The following PCDH19 variants were observed in gnomAD, a reference collection of about 807,000 sequenced individuals.
PCDH19 encodes protocadherin-19.
A neutral mutation model predicts 46.2 loss-of-function variants in PCDH19; 6 were observed. The ratio of observed to expected loss-of-function variants is 0.13; its 90% confidence interval spans 0.07 to 0.26. The LOEUF (loss-of-function observed/expected upper bound fraction) is 0.26. Ranked by LOEUF, PCDH19 falls within the 10% of genes least tolerant of loss-of-function variation. PCDH19 has a pLI of 1.00. For missense variants in PCDH19, 740 were observed against 972.3 expected, an observed-to-expected ratio of 0.76 and a Z score of 3.18; for synonymous variants, 481 against 415.7, an observed-to-expected ratio of 1.16 and a Z score of -1.91.
Position 100,409,735 on chromosome X carries a change from C to CGCCGCCGCA in PCDH19, c.-1139_-1138insTGCGGCGGC, listed in dbSNP as rs754057449. The CGCCGCCGCA allele has an allele frequency of 1.0e-3, 266 of 255,188 alleles. No homozygotes were observed. Among genetic ancestry groups the CGCCGCCGCA allele is most frequent in the Non-Finnish European group, 1.7e-3 (239 of 143,731 alleles). The allele number at this position is 255,188 out of a possible 1,213,427, so 21.0% of individuals were successfully genotyped here. Reference sequence around the variant, plus strand: ...CCGCCGCCGCCGCCGCCGCCGCCGCCGCCGCGGGAGGAAGCCCTCCTAGCT... The same window carrying CGCCGCCGCA: ...CCGCCGCCGCCGCCGCCGCCGCCGCCGCCGCCGCAGCCGCGGGAGGAAGCCCTCCTAGCT... On this transcript the variant is annotated 5_prime_UTR_variant, in exon 1 of 6. Transcript: ENST00000373034.
At chrX:100,402,920 A>T (rs947453799) in intron 2 of PCDH19, 69 bp from the exon 3 acceptor site, 1 of 865,034 alleles carries the variant, frequency 1.2e-6, no homozygotes, top group Non-Finnish European at 1.7e-6. Flanking sequence ...AATAAACATT[A>T]AGCACCCCAG....
intron 3 of PCDH19, among the ~76,000 whole-genome samples, chrX:100,392,640 C>G (rs748320280): frequency 4.8e-4 from 54 of 111,497 alleles, no homozygotes; most frequent in East Asian, 1.4e-3. Context: ...ATAGTCAATG[C>G]CAGTCTTATG....
chrX:100,390,027 GT>G lies in PCDH19; in HGVS notation c.2616+12496del, dbSNP rs762741753. The stretch of plus-strand genomic sequence containing the variant: ...GAAATAAATCATATTTTTTCCAATT[GT>G]TAACCAATTACATGGCACCATTTAG... On this transcript the variant is annotated intron_variant, in intron 3 of 5. Coordinates refer to ENST00000373034, the MANE Select transcript of PCDH19 (RefSeq NM_001184880.2). Among the ~76,000 whole-genome samples, 4 of 111,204 alleles carry G rather than the reference GT, an allele frequency of 3.6e-5. No individual in the cohort carries two copies. The East Asian group carries it at 1.1e-3, about 31-fold the overall frequency.
chrX:100,377,231 C>A (rs2147513507), intron 3 of PCDH19, among the ~76,000 whole-genome samples: 1 of 111,889 alleles, frequency 8.9e-6, no homozygotes, highest in South Asian at 3.7e-4. Flanking sequence ...CCAATAACTG[C>A]ATTGGAACCT....
Position 100,408,670 on chromosome X carries a change from C to T in PCDH19, c.-73G>A. 1.1e-6 allele frequency: 1 copy of T among 938,965 alleles called. No homozygotes were observed. The highest frequency in any genetic ancestry group is 1.5e-6 in the Non-Finnish European group (1 of 678,366). 77.4% of individuals were successfully genotyped at this position (938,965 alleles called of 1,213,427 possible). On this transcript the variant is annotated 5_prime_UTR_variant, in exon 1 of 6. Transcript: ENST00000373034. ...ACCGACGCCGTCGGCGCTCCAGCTT[C>T]CCGCCGGCTCGGGCCGCCTGTTGCG...
At chrX:100,401,077 C>G (rs1204450924) in intron 3 of PCDH19, among the ~76,000 whole-genome samples, 1 of 111,454 alleles carries the variant, frequency 9.0e-6, no homozygotes, top group Non-Finnish European at 1.9e-5. Flanking sequence ...GAGGATCAAA[C>G]GAAACAATGT....
At chrX:100,307,934 G>C (rs1365814153) in intron 5 of PCDH19, among the ~76,000 whole-genome samples, 1 of 111,130 alleles carries the variant, frequency 9.0e-6, no homozygotes, top group African/African-American at 3.3e-5. Context: ...CTCATGGAGG[G>C]GTAGAATCAA....
chrX:100,404,823 C>T (rs181077814), intron 1 of PCDH19, among the ~76,000 whole-genome samples: 2 of 111,432 alleles, frequency 1.8e-5, no homozygotes, highest in East Asian at 5.6e-4. Flanking sequence ...GAGTCCTCTC[C>T]ATAATTATCT....
At chrX:100,358,484 G>C (rs191391723) in intron 3 of PCDH19, among the ~76,000 whole-genome samples, 1 of 112,389 alleles carries the variant, frequency 8.9e-6, no homozygotes, top group African/African-American at 3.2e-5. Flanking sequence ...AGATGGCTTA[G>C]GGAAAGCACT....
chrX:100,393,497 T>TATACACACACACAC, intron 3 of PCDH19, among the ~76,000 whole-genome samples: 1 of 90,069 alleles, frequency 1.1e-5, no homozygotes, highest in East Asian at 3.9e-4. Flanking sequence ...CATACATACA[T>TATACACACACACAC]ACACACACAC....
At chrX:100,361,982 A>G (rs1469628175) in intron 3 of PCDH19, among the ~76,000 whole-genome samples, 2 of 111,666 alleles carry the variant, frequency 1.8e-5, no homozygotes, top group East Asian at 5.6e-4. Context: ...TGAGGGGAAC[A>G]CCTCACTCTA....
intron 3 of PCDH19, among the ~76,000 whole-genome samples, chrX:100,381,532 G>A (rs1251831776): frequency 2.7e-5 from 3 of 111,351 alleles, no homozygotes; most frequent in Non-Finnish European, 3.8e-5. Context: ...CTTTACTTAC[G>A]CCAAGAGAAA....
chrX:100,374,584 T>C (rs760367015), intron 3 of PCDH19, among the ~76,000 whole-genome samples: 154 of 112,140 alleles, frequency 1.4e-3, no homozygotes, highest in Non-Finnish European at 1.8e-3. Context: ...TAACTCATTG[T>C]TTCTCTGAAG....
chrX:100,326,650 G>A (rs775716422), intron 5 of PCDH19, among the ~76,000 whole-genome samples: 2 of 111,574 alleles, frequency 1.8e-5, no homozygotes, highest in Admixed American at 9.5e-5. Context: ...TTACCTCACA[G>A]TAAGTGCTCA....
chrX:100,309,651 G>C (rs770458855), intron 5 of PCDH19, among the ~76,000 whole-genome samples: 122 of 111,730 alleles, frequency 1.1e-3, no homozygotes, highest in Non-Finnish European at 2.0e-3. Context: ...AGAGAGATTT[G>C]ATGGGGTTAA....
At chrX:100,357,086 G>T (rs970982081) in intron 3 of PCDH19, among the ~76,000 whole-genome samples, 5 of 111,302 alleles carry the variant, frequency 4.5e-5, no homozygotes, top group African/African-American at 1.6e-4. Flanking sequence ...AAAATAGCCT[G>T]CACCTTCAAG....
At chrX:100,389,397 G>GT in intron 3 of PCDH19, among the ~76,000 whole-genome samples, 1 of 106,912 alleles carries the variant, frequency 9.4e-6, no homozygotes, top group Non-Finnish European at 1.9e-5. Flanking sequence ...GTGGGTGGGG[G>GT]AAATAGGAAG....
intron 3 of PCDH19, among the ~76,000 whole-genome samples, chrX:100,396,890 T>G (rs764883744): frequency 1.8e-5 from 2 of 112,316 alleles, no homozygotes; most frequent in South Asian, 3.8e-4. Context: ...AGATGTGGGC[T>G]GCATTGTTTC....
chrX:100,379,142 TC>T (rs766661660), intron 3 of PCDH19, among the ~76,000 whole-genome samples: 2 of 111,094 alleles, frequency 1.8e-5, no homozygotes, highest in Non-Finnish European at 3.8e-5. Context: ...CACATCATCT[TC>T]ATTATTAGGA....
Sources: allele counts gnomAD v4.1 joint callset (sites outside exome capture counted in the v4.1 genomes callset), GRCh38; gene constraint gnomAD v4.1.1; transcripts MANE v1.5; gene names NCBI Gene and HGNC (gene_info 2026-07-23, HGNC 2026-07-21).